Variants in ST8SIA5 observed in about 807,000 individuals in gnomAD.
ST8SIA5 encodes alpha-2,8-sialyltransferase 8E.
Under a neutral mutation model 40.2 loss-of-function variants are expected in ST8SIA5, and 24 were observed. That is an observed-to-expected ratio of 0.60 (90% CI 0.43 to 0.84). The LOEUF is 0.84. Ranked by LOEUF, ST8SIA5 falls within the 40% of genes least tolerant of loss-of-function variation. ST8SIA5 has a pLI of 0.00. For missense variants in ST8SIA5, 465 were observed against 498.5 expected (o/e 0.93, Z 0.64); for synonymous variants, 198 against 201.8 (o/e 0.98, Z 0.16).
chr18:46,731,971 C>T (rs761930732), intron 1 of ST8SIA5: 4 of 152,130 alleles, frequency 2.6e-5, no homozygotes, highest in African/African-American at 4.8e-5. Context: ...ACGAGCAGAG[C>T]GAAGGCAACA....
rs1425806498 is a variant in ST8SIA5 at position 46,671,413 on chromosome 18, C to G, written c.*8629G>C. 2.6e-5 allele frequency: 4 copies of G among 152,246 alleles called. No individual in the cohort carries two copies. Among genetic ancestry groups the G allele is most frequent in the Non-Finnish European group, 4.4e-5 (3 of 68,084 alleles). 9.4% of individuals were successfully genotyped at this position (152,246 alleles called of 1,614,324 possible). On this transcript the variant is annotated 3_prime_UTR_variant, in exon 7 of 7. Coordinates refer to ENST00000315087, the MANE Select transcript of ST8SIA5 (RefSeq NM_013305.6). Reference sequence around the variant, plus strand: ...GTCCTGGTGCTGTGTTTCCTCATTGCTACCTTCCATGTTTGTGCACAGATG... The same window carrying G: ...GTCCTGGTGCTGTGTTTCCTCATTGGTACCTTCCATGTTTGTGCACAGATG...
intron 5 of ST8SIA5, 68 bp downstream of exon 5, chr18:46,686,106 A>T: frequency 6.7e-7 from 1 of 1,484,436 alleles, no homozygotes; most frequent in Admixed American, 1.7e-5. Flanking sequence ...GCATTAGGGA[A>T]CCGGGGGAAG....
chr18:46,735,060 G>C (rs1232881077), intron 1 of ST8SIA5, among the ~76,000 whole-genome samples: 1 of 152,248 alleles, frequency 6.6e-6, no homozygotes, highest in African/African-American at 2.4e-5. Context: ...GACTTACTGA[G>C]TCTCCTGGCC....
At chr18:46,729,114 A>ACT (rs1453109437) in intron 1 of ST8SIA5, among the ~76,000 whole-genome samples, 1 of 151,784 alleles carries the variant, frequency 6.6e-6, no homozygotes, top group Non-Finnish European at 1.5e-5. Flanking sequence ...AAGCACCACC[A>ACT]CTTCCCTGAG....
At chr18:46,704,221 A>G (rs4890684) in intron 2 of ST8SIA5, among the ~76,000 whole-genome samples, 49,078 of 152,122 alleles carry the variant, frequency 0.32, 8,237 homozygotes, top group Admixed American at 0.37. Context: ...GCGGTGCAAC[A>G]TACTGAATTT....
rs1379741916 is a variant in ST8SIA5, at chr18:46,670,962, G to A, written c.*9080C>T. 1 of 152,188 alleles carries A rather than the reference G, an allele frequency of 6.6e-6. No homozygotes were observed. The highest frequency in any genetic ancestry group is 2.4e-5 in the African/African-American group (1 of 41,440). 9.4% of individuals were successfully genotyped at this position (152,188 alleles called of 1,614,324 possible). A position where few individuals can be genotyped will look rare whatever the true frequency, so the allele number is the denominator to read the frequency against. ...TCAAAGCAAATGCCGTGAGATATGT[G>A]ATATTAGCAAAATGGTTGGCCCTTG... is the stretch of plus-strand genomic sequence containing the variant. On this transcript the variant is annotated 3_prime_UTR_variant, in exon 7 of 7. Transcript: ENST00000315087.
intron 1 of ST8SIA5, among the ~76,000 whole-genome samples, chr18:46,716,012 A>C (rs751850355): frequency 7.2e-5 from 11 of 152,120 alleles, no homozygotes; most frequent in Non-Finnish European, 1.6e-4. Context: ...CCAGCCCTGC[A>C]TGAGCTGTCC....
intron 1 of ST8SIA5, among the ~76,000 whole-genome samples, chr18:46,708,318 C>T (rs1399071719): frequency 6.6e-6 from 1 of 152,126 alleles, no homozygotes. Context: ...ATTAGTAAAC[C>T]TCTCCCCTGT....
rs750686007 is a variant in ST8SIA5 at position 46,680,279 on chromosome 18, G to A, written c.894C>T (p.Arg298=). Residue 298 remains arginine, a synonymous_variant, in exon 7 of 7, where the codon CGC becomes CGT. Coordinates refer to ENST00000315087, the MANE Select transcript of ST8SIA5 (RefSeq NM_013305.6). ...YWLSLGVRAK[R]ISTGLILVTA... is the part of the protein sequence containing the mutation. ...TGACCAGAATGAGGCCGGTGCTGAT[G>A]CGCTTGGCGCGCACCCCCAGGCTGA... The A allele has an allele frequency of 1.1e-5, 17 of 1,614,122 alleles. No homozygotes were observed. Among genetic ancestry groups the A allele is most frequent in the Non-Finnish European group, 4.2e-6 (5 of 1,180,056 alleles).
chr18:46,748,060 G>A (rs1363687389), intron 1 of ST8SIA5, among the ~76,000 whole-genome samples: 5 of 151,922 alleles, frequency 3.3e-5, no homozygotes, highest in Admixed American at 6.6e-5. Flanking sequence ...ATCACACACC[G>A]GGGCCTGTCA....
intron 2 of ST8SIA5, among the ~76,000 whole-genome samples, chr18:46,699,537 G>T (rs754477420): frequency 6.6e-6 from 1 of 151,976 alleles, no homozygotes; most frequent in Admixed American, 6.6e-5. Context: ...CTGCTACTAC[G>T]CCTGGCTAAT....
chr18:46,729,683 C>T (rs1185384973), intron 1 of ST8SIA5, among the ~76,000 whole-genome samples: 3 of 152,212 alleles, frequency 2.0e-5, no homozygotes, highest in Non-Finnish European at 4.4e-5. Context: ...CAGGGGCTGT[C>T]CCCTGTCCCT....
At chr18:46,754,298 C>T (rs1405290676) in intron 1 of ST8SIA5, among the ~76,000 whole-genome samples, 1 of 152,068 alleles carries the variant, frequency 6.6e-6, no homozygotes, top group Non-Finnish European at 1.5e-5. Context: ...TGCCCCCTGC[C>T]CCCACCCTCA....
intron 4 of ST8SIA5, 80 bp downstream of exon 4, chr18:46,688,695 C>T: frequency 6.5e-7 from 1 of 1,533,640 alleles, no homozygotes; most frequent in Non-Finnish European, 8.8e-7. Context: ...TCAGGCAAAA[C>T]CCCAGGGACA....
At position 46,672,882 on chromosome 18, in the gene ST8SIA5, A is replaced by T. The variant is rs1294595585; in HGVS notation, c.*7160T>A. On this transcript the variant is annotated 3_prime_UTR_variant, in exon 7 of 7. Transcript: ENST00000315087. ...CAGATTTCTGCTTTAGGGACACCCA[A>T]AACAGTTAATGTCATTTGAGAGCTG... The T allele has an allele frequency of 6.6e-6, 1 of 152,264 alleles. No homozygotes were observed. Among genetic ancestry groups the T allele is most frequent in the East Asian group, 1.9e-4 (1 of 5,202 alleles). 9.4% of individuals were successfully genotyped at this position (152,264 alleles called of 1,614,324 possible).
Position 46,670,287 on chromosome 18 carries a change from C to A in ST8SIA5, c.*9755G>T, listed in dbSNP as rs1301116384. On this transcript the variant is annotated 3_prime_UTR_variant, in exon 7 of 7. Coordinates refer to ENST00000315087, the MANE Select transcript of ST8SIA5 (RefSeq NM_013305.6). ...CAGTGTATTGAACATTGTTGGAACG[C>A]TTTTTTACCTCTGCATGTCCTGGAT... 6.6e-6 allele frequency: 1 copy of A among 152,082 alleles called. No homozygotes were observed. Among genetic ancestry groups the A allele is most frequent in the Non-Finnish European group, 1.5e-5 (1 of 68,026 alleles). The allele number at this position is 152,082 out of a possible 1,614,324, so 9.4% of individuals were successfully genotyped here.
chr18:46,735,623 T>G (rs149964318), intron 1 of ST8SIA5, among the ~76,000 whole-genome samples: 4 of 152,074 alleles, frequency 2.6e-5, no homozygotes, highest in Non-Finnish European at 5.9e-5. Context: ...TGGGGTGTTT[T>G]AGTTTTTGAG....
chr18:46,708,628 A>G (rs1448034246), intron 1 of ST8SIA5, among the ~76,000 whole-genome samples: 1 of 152,092 alleles, frequency 6.6e-6, no homozygotes, highest in Non-Finnish European at 1.5e-5. Flanking sequence ...CTAGGCAACT[A>G]GGGATAACCC....
intron 1 of ST8SIA5, 115 bp downstream of exon 1, chr18:46,756,263 C>G: frequency 7.0e-7 from 1 of 1,426,042 alleles, no homozygotes; most frequent in African/African-American, 1.4e-5. Context: ...GGGCTAGGAG[C>G]GGACCCCACG....
Sources: gnomAD v4.1 joint callset for allele counts (sites outside exome capture counted in the v4.1 genomes callset) on GRCh38, gnomAD v4.1.1 for gene constraint, MANE v1.5 for transcripts, NCBI Gene and HGNC (gene_info 2026-07-23, HGNC 2026-07-21) for gene names.